Variants in PIK3CA observed in about 807,000 individuals in gnomAD.
The protein encoded by PIK3CA is phosphatidylinositol-4,5-bisphosphate 3-kinase catalytic subunit alpha.
Under a neutral mutation model 138.2 loss-of-function variants are expected in PIK3CA, and 27 were observed. The observed-to-expected ratio is 0.20, with a 90% confidence interval of 0.14 to 0.27. The LOEUF (loss-of-function observed/expected upper bound fraction) is 0.27, where lower values mean the gene tolerates loss of function less well. Among genes scored for constraint, PIK3CA ranks in the 10% least tolerant of loss-of-function variants. PIK3CA has a pLI of 1.00. For synonymous variants in PIK3CA, 358 were observed against 413.2 expected, an observed-to-expected ratio of 0.87 and a Z score of 1.62; for missense variants, 544 against 1,277.4, an observed-to-expected ratio of 0.43 and a Z score of 8.75.
At chr3:179,214,008 A>G (rs1027508731) in intron 9 of PIK3CA, among the ~76,000 whole-genome samples, 3 of 152,348 alleles carry the variant, frequency 2.0e-5, no homozygotes, top group African/African-American at 7.2e-5. Context: ...CAATATTCAT[A>G]GAATTGAAAA....
chr3:179,228,284 G>T (rs910889782), intron 17 of PIK3CA, among the ~76,000 whole-genome samples: 1 of 151,832 alleles, frequency 6.6e-6, no homozygotes, highest in African/African-American at 2.4e-5. Flanking sequence ...TTTTAGTATG[G>T]TATAATGAAA....
chr3:179,229,503 G>GC, intron 18 of PIK3CA, 61 bp downstream of exon 18: 1 of 1,303,058 alleles, frequency 7.7e-7, no homozygotes, highest in Non-Finnish European at 1.1e-6. Flanking sequence ...GAGTCTGTCG[G>GC]TGTTTGTGTA....
At chr3:179,228,983 CATAA>C (rs1353899127) in intron 17 of PIK3CA, among the ~76,000 whole-genome samples, 1 of 152,054 alleles carries the variant, frequency 6.6e-6, no homozygotes, top group Non-Finnish European at 1.5e-5. Context: ...TTTTTAAAAT[CATAA>C]ATGTTTGTAA....
At chr3:179,207,512 T>A (rs752695601) in intron 6 of PIK3CA, among the ~76,000 whole-genome samples, 12 of 151,994 alleles carry the variant, frequency 7.9e-5, no homozygotes, top group Non-Finnish European at 1.8e-4. Flanking sequence ...ATAAAAAGTC[T>A]GGTACATTAA....
rs1725355032 is a variant in PIK3CA, at chr3:179,237,462, A to AT, written c.*3104dup. 1 of 203,072 alleles carries AT rather than the reference A, an allele frequency of 4.9e-6. No homozygotes were observed. Among genetic ancestry groups the AT allele is most frequent in the African/African-American group, 2.3e-5 (1 of 43,654 alleles). 12.6% of individuals were successfully genotyped at this position (203,072 alleles called of 1,614,324 possible). On this transcript the variant is annotated 3_prime_UTR_variant, in exon 21 of 21. Coordinates refer to ENST00000263967, the MANE Select transcript of PIK3CA (RefSeq NM_006218.4). ...CTTTTTCAACTGTGAAACTGACTTG[A>AT]TTTTTTGATGAAAACAGCTGCTGAT...
At position 179,227,210 on chromosome 3, in the gene PIK3CA, A is replaced by C. The variant is rs577893908; in HGVS notation, c.2495+1170A>C. Among the ~76,000 whole-genome samples, 9 of 152,132 alleles carry C rather than the reference A, an allele frequency of 5.9e-5. No homozygotes were observed. In the South Asian group the frequency reaches 1.7e-3, roughly 28 times the overall value. Reference sequence around the variant, plus strand: ...AAGTAAAAATTTTATTTCAAGTTTAACTTTAGATTAAAATTATTTAAGTAA... The same window carrying C: ...AAGTAAAAATTTTATTTCAAGTTTACCTTTAGATTAAAATTATTTAAGTAA... On this transcript the variant is annotated intron_variant, in intron 17 of 20. Transcript: ENST00000263967.
intron 1 of PIK3CA, among the ~76,000 whole-genome samples, chr3:179,168,704 A>G (rs1723477430): frequency 1.3e-5 from 2 of 152,120 alleles, no homozygotes; most frequent in South Asian, 4.1e-4. Context: ...AAATTTTGCA[A>G]ATATAGGTGA....
At chr3:179,189,895 C>T (rs1035125172) in intron 1 of PIK3CA, among the ~76,000 whole-genome samples, 1 of 152,042 alleles carries the variant, frequency 6.6e-6, no homozygotes, top group Non-Finnish European at 1.5e-5. Flanking sequence ...CAGTGAAGGA[C>T]GGCACTTTGA....
intron 1 of PIK3CA, among the ~76,000 whole-genome samples, chr3:179,181,077 G>A (rs888630499): frequency 5.9e-5 from 9 of 152,106 alleles, no homozygotes; most frequent in Admixed American, 4.6e-4. Context: ...GAGAACAGAA[G>A]AACAAAAGAG....
intron 9 of PIK3CA, among the ~76,000 whole-genome samples, chr3:179,212,437 C>T (rs1418215811): frequency 2.0e-5 from 3 of 150,990 alleles, no homozygotes; most frequent in Non-Finnish European, 4.4e-5. Flanking sequence ...GGTGAAACCC[C>T]GTCTCTACTA....
intron 16 of PIK3CA, 104 bp downstream of exon 16, chr3:179,224,925 A>G: frequency 1.5e-6 from 1 of 675,652 alleles, no homozygotes; most frequent in Non-Finnish European, 2.4e-6. Context: ...TTTAAGGAAT[A>G]TACACATGTG....
rs1725382100 is a variant in PIK3CA at position 179,238,783 on chromosome 3, A to G, written c.*4419A>G. 1 of 224,924 alleles carries G rather than the reference A, an allele frequency of 4.4e-6. No individual in the cohort carries two copies. Among genetic ancestry groups the G allele is most frequent in the Non-Finnish European group, 8.9e-6 (1 of 112,904 alleles). The allele number at this position is 224,924 out of a possible 1,614,324, so 13.9% of individuals were successfully genotyped here. On this transcript the variant is annotated 3_prime_UTR_variant, in exon 21 of 21. Coordinates refer to ENST00000263967, the MANE Select transcript of PIK3CA (RefSeq NM_006218.4). ...TGCACACAATTCTGTTTGTGTACAC[A>G]CTGCTTGCTTAGCCCTAGTCAAGAG...
intron 1 of PIK3CA, among the ~76,000 whole-genome samples, chr3:179,167,241 TACTGG>T (rs764214288): frequency 6.6e-6 from 1 of 152,148 alleles, no homozygotes; most frequent in Non-Finnish European, 1.5e-5. Context: ...TCTTAATAGC[TACTGG>T]ACTTGAAGAT....
In PIK3CA at chr3:179,239,637, G is replaced by A. The variant is rs915192863; in HGVS notation, c.*5273G>A. ...AAAATCTAAAAGAATATACCCTTTTGGAGCATAACATTTTAATACCTTGGG... is the reference window on the plus strand; with the variant it reads ...AAAATCTAAAAGAATATACCCTTTTAGAGCATAACATTTTAATACCTTGGG... On this transcript the variant is annotated 3_prime_UTR_variant, in exon 21 of 21. Transcript: ENST00000263967. 4.8e-5 allele frequency: 12 copies of A among 251,206 alleles called. No homozygotes were observed. Among genetic ancestry groups the A allele is most frequent in the Non-Finnish European group, 8.4e-5 (11 of 131,202 alleles). 15.6% of individuals were successfully genotyped at this position (251,206 alleles called of 1,614,324 possible).
rs1206315672 is a variant in PIK3CA at position 179,235,076 on chromosome 3, AG to A, written c.*714del. ...TTTTTTTCTTCTGGACAGTATTTAAAGGATCTTATTCTTATTTCCCAGGGAA... is the reference window on the plus strand; with the variant it reads ...TTTTTTTCTTCTGGACAGTATTTAAAGATCTTATTCTTATTTCCCAGGGAA... On this transcript the variant is annotated 3_prime_UTR_variant, in exon 21 of 21. Transcript: ENST00000263967. 5.1e-6 allele frequency: 1 copy of A among 194,492 alleles called. No individual in the cohort carries two copies. The highest frequency in any genetic ancestry group is 2.3e-5 in the African/African-American group (1 of 42,890). The allele number at this position is 194,492 out of a possible 1,614,324, so 12.0% of individuals were successfully genotyped here. A position where few individuals can be genotyped will look rare whatever the true frequency, so the allele number is the denominator to read the frequency against.
At chr3:179,204,694 G>T in intron 6 of PIK3CA, 106 bp downstream of exon 6, 10 of 574,340 alleles carry the variant, frequency 1.7e-5, no homozygotes, top group Non-Finnish European at 6.4e-6. Flanking sequence ...AACAAAGCAA[G>T]ACCCCATTTC....
At chr3:179,221,293 C>T (rs1724960939) in intron 14 of PIK3CA, 136 bp downstream of exon 14, 3 of 631,586 alleles carry the variant, frequency 4.7e-6, no homozygotes, top group African/African-American at 1.8e-5. Flanking sequence ...CACTGCCTCT[C>T]AGCTGTGTAG....
At chr3:179,217,498 G>A (rs1404340275) in intron 9 of PIK3CA, among the ~76,000 whole-genome samples, 1 of 151,960 alleles carries the variant, frequency 6.6e-6, no homozygotes, top group Non-Finnish European at 1.5e-5. Flanking sequence ...CAAGTGGCAT[G>A]GATGTCTGCT....
At chr3:179,148,263 A>AG (rs1722903050), upstream of PIK3CA, 1 of 148,430 alleles carries the variant, frequency 6.7e-6, no homozygotes, top group Non-Finnish European at 1.5e-5. Flanking sequence ...TGGAAACAAA[A>AG]GGAAAAAAAA....
Sources: gnomAD v4.1 joint callset for allele counts (sites outside exome capture counted in the v4.1 genomes callset) on GRCh38, gnomAD v4.1.1 for gene constraint, MANE v1.5 for transcripts, NCBI Gene and HGNC (gene_info 2026-07-23, HGNC 2026-07-21) for gene names.